The following QTMAN variants were observed in gnomAD, a reference collection of about 807,000 sequenced individuals.
QTMAN encodes the protein tRNA-queuosine alpha-mannosyltransferase.
chr2:144,270,657 G>GT, the QTMAN span, among the ~76,000 whole-genome samples: 1 of 151,084 alleles, frequency 6.6e-6, no homozygotes, highest in East Asian at 1.9e-4. Flanking sequence ...CCTGCCGGGG[G>GT]TGGGGGGGCA....
the QTMAN span, chr2:144,177,280 T>A: frequency 4.6e-6 from 3 of 655,512 alleles, no homozygotes; most frequent in Non-Finnish European, 2.7e-6. Context: ...TGTTTTTGTT[T>A]ATTTTAAACT....
the QTMAN span, among the ~76,000 whole-genome samples, chr2:144,212,665 G>A: frequency 6.6e-6 from 1 of 152,100 alleles, no homozygotes; most frequent in East Asian, 1.9e-4. Flanking sequence ...CTTGCTCCCT[G>A]AAAGAGCATA....
the QTMAN span, among the ~76,000 whole-genome samples, chr2:144,266,135 G>A: frequency 6.6e-6 from 1 of 152,232 alleles, no homozygotes; most frequent in Non-Finnish European, 1.5e-5. Context: ...TGTGAGAAGA[G>A]AACAAGGTCA....
the QTMAN span, among the ~76,000 whole-genome samples, chr2:143,984,401 TTC>T: frequency 6.6e-6 from 1 of 152,162 alleles, no homozygotes. Flanking sequence ...CAGCAGATGG[TTC>T]TCTAAGGGGA....
the QTMAN span, among the ~76,000 whole-genome samples, chr2:144,264,297 TGAG>T: frequency 6.6e-6 from 1 of 151,530 alleles, no homozygotes; most frequent in African/African-American, 2.4e-5. Context: ...ATTAGAGAGG[TGAG>T]GAGGAGAATT....
chr2:144,109,327 A>T, the QTMAN span, among the ~76,000 whole-genome samples: 1 of 152,220 alleles, frequency 6.6e-6, no homozygotes, highest in East Asian at 1.9e-4. Context: ...GGTGCTGGGA[A>T]AACTGGCTAG....
At chr2:143,952,904 A>G in the QTMAN span, 12 of 1,064,816 alleles carry the variant, frequency 1.1e-5, no homozygotes, top group Middle Eastern at 2.0e-4. Context: ...TCATAGCCAG[A>G]AAGTGGTTTT....
At chr2:144,053,558 A>G in the QTMAN span, among the ~76,000 whole-genome samples, 1 of 152,190 alleles carries the variant, frequency 6.6e-6, no homozygotes, top group Non-Finnish European at 1.5e-5. Flanking sequence ...ATGAAGCATC[A>G]GTGAGTTTAT....
chr2:143,945,869 CATA>C, the QTMAN span: 1 of 152,178 alleles, frequency 6.6e-6, no homozygotes, highest in African/African-American at 2.4e-5. Context: ...TTGGAAATGT[CATA>C]ATATCTTACA....
chr2:144,010,647 C>G, the QTMAN span, among the ~76,000 whole-genome samples: 1 of 151,998 alleles, frequency 6.6e-6, no homozygotes, highest in Admixed American at 6.6e-5. Flanking sequence ...CTGATGTCAT[C>G]TGGGGCACCT....
chr2:144,145,467 T>C, the QTMAN span: 1 of 718,860 alleles, frequency 1.4e-6, no homozygotes, highest in Non-Finnish European at 2.3e-6. Flanking sequence ...CCTTATGGTG[T>C]TTTAAAAAAA....
chr2:144,293,037 G>GA, the QTMAN span, among the ~76,000 whole-genome samples: 3 of 152,080 alleles, frequency 2.0e-5, no homozygotes, highest in Non-Finnish European at 4.4e-5. Flanking sequence ...TGCCAGACTG[G>GA]AGTATATATG....
the QTMAN span, among the ~76,000 whole-genome samples, chr2:144,143,817 G>GT: frequency 6.6e-6 from 1 of 151,866 alleles, no homozygotes; most frequent in Non-Finnish European, 1.5e-5. Context: ...ACTGTTTAAG[G>GT]TGAGTGCTTA....
At chr2:143,942,937 T>C in the QTMAN span, 1 of 152,342 alleles carries the variant, frequency 6.6e-6, no homozygotes, top group African/African-American at 2.4e-5. Flanking sequence ...TATCAAAAGA[T>C]ATATGCAATA....
chr2:144,208,633 G>C, the QTMAN span: 3 of 1,613,776 alleles, frequency 1.9e-6, no homozygotes, highest in Non-Finnish European at 1.7e-6. Flanking sequence ...AATGGTCTGA[G>C]AGAAATATAA....
the QTMAN span, among the ~76,000 whole-genome samples, chr2:144,000,382 AAACT>A: frequency 2.6e-5 from 4 of 152,002 alleles, no homozygotes; most frequent in African/African-American, 7.2e-5. Context: ...CCAACCAAAC[AAACT>A]AACCAACAAA....
At chr2:144,031,415 G>A in the QTMAN span, among the ~76,000 whole-genome samples, 13 of 152,114 alleles carry the variant, frequency 8.5e-5, no homozygotes, top group Admixed American at 2.6e-4. Context: ...TTGTAGACTC[G>A]AACAAGAAAA....
the QTMAN span, among the ~76,000 whole-genome samples, chr2:144,327,293 T>C: frequency 5.3e-5 from 8 of 151,966 alleles, no homozygotes; most frequent in Middle Eastern, 3.4e-3. Context: ...TCCATTATAA[T>C]AAACAAGTAA....
chr2:143,974,307 A>G, the QTMAN span, among the ~76,000 whole-genome samples: 1 of 152,214 alleles, frequency 6.6e-6, no homozygotes, highest in Non-Finnish European at 1.5e-5. Context: ...GCCTTAAAAT[A>G]TAAATAACTT....
Sources: gnomAD v4.1 joint callset for allele counts (sites outside exome capture counted in the v4.1 genomes callset) on GRCh38, gnomAD v4.1.1 for gene constraint, MANE v1.5 for transcripts, NCBI Gene and HGNC (gene_info 2026-07-23, HGNC 2026-07-21) for gene names.